EMG1: variants seen among roughly 807,000 people sequenced by gnomAD.
EMG1 encodes the protein ribosomal RNA small subunit methyltransferase NEP1.
A neutral mutation model predicts 26.9 loss-of-function variants in EMG1; 24 were observed. That is an observed-to-expected ratio of 0.89 (90% confidence interval 0.65 to 1.26). The LOEUF (loss-of-function observed/expected upper bound fraction) is 1.26. Ranked by LOEUF, EMG1 falls within the 50% of genes most tolerant of loss-of-function variation. The probability of loss-of-function intolerance (pLI) is 0.00; values close to 1 mark genes in which losing one functional copy is unlikely to be tolerated. For synonymous variants in EMG1, 140 were observed against 112.6 expected, an observed-to-expected ratio of 1.24 and a Z score of -1.54; for missense variants, 299 against 307.6, an observed-to-expected ratio of 0.97 and a Z score of 0.21.
chr12:6,981,012 T>C, downstream of EMG1: 1 of 1,594,636 alleles, frequency 6.3e-7, no homozygotes, highest in Non-Finnish European at 8.5e-7. Flanking sequence ...ACCTGTTTGG[T>C]ATCTTTCCTG....
chr12:6,986,416 T>C (rs1946526399), intron 6 of EMG1, among the ~76,000 whole-genome samples: 2 of 152,164 alleles, frequency 1.3e-5, no homozygotes, highest in South Asian at 4.1e-4. Context: ...ACAAATGACA[T>C]ACAAAATATA....
At chr12:6,975,540 G>A (rs1038757093) in intron 5 of EMG1, 156 bp from the exon 6 acceptor site, 3 of 970,826 alleles carry the variant, frequency 3.1e-6, no homozygotes, top group Non-Finnish European at 4.8e-6. Context: ...TGCCATAATT[G>A]GAAGTCACAG....
intron 7 of EMG1, among the ~76,000 whole-genome samples, chr12:6,994,617 C>A (rs1555155855): frequency 6.6e-6 from 1 of 152,124 alleles, no homozygotes. Flanking sequence ...CAGGTGTGCA[C>A]AGGACCGGCT....
rs1555152959 is a variant in EMG1 at position 6,975,285 on chromosome 12, T to C, written c.528T>C (p.Thr176=). The C allele has an allele frequency of 8.7e-6, 14 of 1,613,152 alleles. No homozygotes were observed. Among genetic ancestry groups the C allele is most frequent in the Non-Finnish European group, 1.2e-5 (14 of 1,179,424 alleles). ...HFPVGCMKVG[T]SFSIPVVSDV... is the part of the protein sequence containing the mutation. Reference sequence around the variant, plus strand: ...CAGTTGGATGTATGAAAGTTGGCACTTCTTTTTCCATCCCGGTTGTCAGTG... The same window carrying C: ...CAGTTGGATGTATGAAAGTTGGCACCTCTTTTTCCATCCCGGTTGTCAGTG... The change falls in exon 5 of 6, where the codon ACT becomes ACC. Residue 176 remains threonine (T), a synonymous_variant. Transcript: ENST00000599672.
In EMG1 at chr12:6,996,962, A is replaced by G. The variant is rs114942928; in HGVS notation, c.*212-263A>G. 1.5e-3 allele frequency among the ~76,000 whole-genome samples: 234 copies of G among 152,290 alleles called. 1 individual carries two copies. The highest frequency in any genetic ancestry group is 5.4e-3 in the African/African-American group (224 of 41,554). On this transcript the variant is annotated intron_variant and NMD_transcript_variant, in intron 7 of 7. Transcript: ENST00000607161. Reference sequence around the variant, plus strand: ...AAGGGAGGAAAAATATTGTAACAAAATGGATGGGAAAGTGAAAAACCAGGC... The same window carrying G: ...AAGGGAGGAAAAATATTGTAACAAAGTGGATGGGAAAGTGAAAAACCAGGC...
At chr12:6,980,751 TG>T, downstream of EMG1, 1 of 331,788 alleles carries the variant, frequency 3.0e-6, no homozygotes, top group Non-Finnish European at 5.4e-6. Context: ...GGCAGAAATG[TG>T]ACTGGTTCAG....
In EMG1 at chr12:6,971,014, C is replaced by T. The variant is rs782126924; in HGVS notation, c.91C>T (p.Arg31Ter). Reference protein sequence around the residue: ...DWDALPPKRPRLGAGNKIGGR... With the variant: ...DWDALPPKRP Reference sequence around the variant, plus strand: ...GGATGCTCTGCCACCCAAGCGGCCCCGACTAGGGGCAGGAAACAAGATCGG... The same window carrying T: ...GGATGCTCTGCCACCCAAGCGGCCCTGACTAGGGGCAGGAAACAAGATCGG... The change falls in exon 1 of 6, where the codon CGA (arginine) becomes TGA (stop). Residue 31 changes from arginine to a stop codon, truncating the protein, a stop_gained. Transcript: ENST00000599672. LOFTEE classifies it high-confidence loss of function. 6.2e-7 allele frequency: 1 copy of T among 1,611,516 alleles called. No homozygotes were observed. The highest frequency in any genetic ancestry group is 1.3e-5 in the African/African-American group (1 of 74,830).
downstream of EMG1, chr12:6,983,428 T>C: frequency 6.3e-7 from 1 of 1,578,150 alleles, no homozygotes; most frequent in Non-Finnish European, 8.7e-7. Context: ...TTTAGTTTAC[T>C]CACCAAAGTT....
At chr12:6,985,771 GTT>G (rs1220627223) in intron 6 of EMG1, among the ~76,000 whole-genome samples, 4 of 135,640 alleles carry the variant, frequency 2.9e-5, no homozygotes, top group Admixed American at 7.4e-5. Flanking sequence ...ATCAACTGGT[GTT>G]TTTTTTTTTT....
chr12:6,990,793 T>C (rs1946582026), downstream of EMG1, among the ~76,000 whole-genome samples: 1 of 150,630 alleles, frequency 6.6e-6, no homozygotes, highest in Admixed American at 6.6e-5. Flanking sequence ...GGCAGGCGCC[T>C]GTGATCCCAG....
At chr12:6,995,341 G>T (rs1249463660) in intron 7 of EMG1, among the ~76,000 whole-genome samples, 1 of 151,976 alleles carries the variant, frequency 6.6e-6, no homozygotes, top group Non-Finnish European at 1.5e-5. Context: ...GGGCGTGGTG[G>T]TGCATGCCTG....
chr12:6,991,273 T>C (rs1207121263), downstream of EMG1, among the ~76,000 whole-genome samples: 2 of 152,218 alleles, frequency 1.3e-5, no homozygotes, highest in Non-Finnish European at 2.9e-5. Context: ...TCAGATAATT[T>C]TGGATATTCT....
downstream of EMG1, among the ~76,000 whole-genome samples, chr12:6,990,519 TTAAAA>T (rs1254905433): frequency 7.5e-6 from 1 of 133,584 alleles, no homozygotes; most frequent in Non-Finnish European, 1.6e-5. Context: ...AAAAAGAAAA[TTAAAA>T]TAAAATAAAT....
intron 6 of EMG1, among the ~76,000 whole-genome samples, chr12:6,986,740 A>G (rs1946529777): frequency 7.0e-6 from 1 of 143,694 alleles, no homozygotes; most frequent in African/African-American, 2.6e-5. Context: ...CAGAGATTGC[A>G]GTGAGCAGAG....
At chr12:6,980,934 G>C (rs1422465642), downstream of EMG1, 1 of 1,443,850 alleles carries the variant, frequency 6.9e-7, no homozygotes, top group South Asian at 1.4e-5. Flanking sequence ...GGAGAATGCA[G>C]CTTTCAGAAG....
At chr12:6,985,380 A>G (rs1565599630) in intron 6 of EMG1, among the ~76,000 whole-genome samples, 1 of 151,856 alleles carries the variant, frequency 6.6e-6, no homozygotes. Flanking sequence ...TGGGCGACAG[A>G]GCGAGATTCC....
At chr12:6,982,872 G>A (rs782817482), downstream of EMG1, 32 of 787,736 alleles carry the variant, frequency 4.1e-5, no homozygotes, top group African/African-American at 4.9e-4. Context: ...AAGAAAAAAT[G>A]TTGGCATCAG....
At chr12:6,990,853 G>A (rs1480588742), downstream of EMG1, among the ~76,000 whole-genome samples, 1 of 146,612 alleles carries the variant, frequency 6.8e-6, no homozygotes, top group Non-Finnish European at 1.5e-5. Context: ...GGAGGTGGGG[G>A]TTGTAGTGAG....
At chr12:6,984,360 G>A (rs1211711399), downstream of EMG1, among the ~76,000 whole-genome samples, 2 of 152,172 alleles carry the variant, frequency 1.3e-5, no homozygotes, top group Non-Finnish European at 2.9e-5. Flanking sequence ...AATAAAATTT[G>A]GTATTCCTAA....
Sources: allele counts gnomAD v4.1 joint callset (sites outside exome capture counted in the v4.1 genomes callset), GRCh38; gene constraint gnomAD v4.1.1; transcripts MANE v1.5; gene names NCBI Gene and HGNC (gene_info 2026-07-23, HGNC 2026-07-21).